TNRC18: variants seen among roughly 807,000 people sequenced by gnomAD.
TNRC18 encodes trinucleotide repeat-containing gene 18 protein.
Under a neutral mutation model 226.7 loss-of-function variants are expected in TNRC18, and 69 were observed. The ratio of observed to expected loss-of-function variants is 0.30; its 90% CI spans 0.25 to 0.37. The LOEUF (loss-of-function observed/expected upper bound fraction) is 0.37, where lower values mean the gene tolerates loss of function less well. TNRC18 is among the 10% of genes least tolerant of loss of function. TNRC18 has a pLI of 1.00. For missense variants in TNRC18, 4,754 were observed against 4,256.6 expected, an observed-to-expected ratio of 1.12 and a Z score of -3.25; for synonymous variants, 2,449 against 1,927.6, an observed-to-expected ratio of 1.27 and a Z score of -7.09.
chr7:5,389,056 C>CG lies in TNRC18; in HGVS notation c.767dup (p.Arg257AlafsTer4). 7.8e-7 allele frequency: 1 copy of CG among 1,282,260 alleles called. No homozygotes were observed. The highest frequency in any genetic ancestry group is 1.6e-5 in the African/African-American group (1 of 62,284). The allele number at this position is 1,282,260 out of a possible 1,614,324, so 79.4% of individuals were successfully genotyped here. ...AGGGCGACAGGCGCTCAGCCAGGCG[C>CG]GGGGGCCCCCGGTCCTGGCGGCCCT... On this transcript the variant is annotated frameshift_variant, in exon 5 of 30. Transcript: ENST00000430969. LOFTEE classifies it high-confidence loss of function.
rs1420043765 is a variant in TNRC18 at position 5,389,207 on chromosome 7, G to A, written c.617C>T (p.Ala206Val). 8.2e-6 allele frequency: 11 copies of A among 1,346,150 alleles called. No individual in the cohort carries two copies. The highest frequency in any genetic ancestry group is 1.0e-5 in the Non-Finnish European group (11 of 1,051,692). 83.4% of individuals were successfully genotyped at this position (1,346,150 alleles called of 1,614,324 possible). ...CCCGCCGCGGCCCGCCCGCTCCTTG[G>A]CTGGACCGTCCCGCGACGACGAGCC... ...AKGSSSRDGP[A>V]KERAGRGGEP... Residue 206 changes from alanine to valine, a missense_variant, in exon 5 of 30, where the codon GCC becomes GTC. By Grantham distance (64) the Ala-to-Val change is moderately conservative. Coordinates refer to ENST00000430969, the MANE Select transcript of TNRC18 (RefSeq NM_001080495.3).
chr7:5,362,864 C>A (rs780686240), intron 11 of TNRC18, 39 bp from the exon 12 acceptor site: 15 of 1,459,480 alleles, frequency 1.0e-5, no homozygotes, highest in Non-Finnish European at 1.3e-5. Flanking sequence ...CTGCTGCCAC[C>A]CCTTCCCCAA....
intron 15 of TNRC18, among the ~76,000 whole-genome samples, chr7:5,358,779 A>T (rs1792722155): frequency 6.6e-6 from 1 of 152,158 alleles, no homozygotes; most frequent in Admixed American, 6.6e-5. Flanking sequence ...GTGCCACGGC[A>T]CTCCAGCCTG....
At chr7:5,382,051 G>A (rs1779432892) in intron 5 of TNRC18, among the ~76,000 whole-genome samples, 1 of 152,032 alleles carries the variant, frequency 6.6e-6, no homozygotes, top group African/African-American at 2.4e-5. Flanking sequence ...TGCCCAGCAG[G>A]GCCCCAGGCC....
At chr7:5,410,310 C>CAAA (rs1157425008) in intron 2 of TNRC18, among the ~76,000 whole-genome samples, 10 of 66,178 alleles carry the variant, frequency 1.5e-4, no homozygotes, top group Admixed American at 3.3e-4. Context: ...GACTCTGTCT[C>CAAA]AAAAAAAAAA....
At position 5,420,689 on chromosome 7, in the gene TNRC18, G is replaced by A. The variant is rs953123115; in HGVS notation, c.187+371C>T. 6.9e-5 allele frequency: 35 copies of A among 509,570 alleles called. 1 individual carries two copies. The highest frequency in any genetic ancestry group is 3.8e-5 in the Non-Finnish European group (10 of 262,446). The allele number at this position is 509,570 out of a possible 1,614,324, so 31.6% of individuals were successfully genotyped here. ...GCCAAGAAAAAGATTCGAGCTCGGG[G>A]AGCGGGTGTCTCGCGGGGTGCGGGG... On this transcript the variant is annotated intron_variant, in intron 2 of 29. Transcript: ENST00000430969.
intron 2 of TNRC18, among the ~76,000 whole-genome samples, chr7:5,402,886 G>C (rs978117302): frequency 2.0e-5 from 3 of 151,934 alleles, no homozygotes; most frequent in African/African-American, 7.3e-5. Context: ...TGTGGAATGG[G>C]GGGGCAAGGT....
At chr7:5,310,571 A>G (rs1031240175) in intron 27 of TNRC18, among the ~76,000 whole-genome samples, 22 of 151,478 alleles carry the variant, frequency 1.5e-4, no homozygotes, top group African/African-American at 4.4e-4. Flanking sequence ...GTCTCACACT[A>G]TTGCCCAGGT....
chr7:5,336,614 C>T (rs763874780), intron 18 of TNRC18, among the ~76,000 whole-genome samples: 3 of 152,076 alleles, frequency 2.0e-5, no homozygotes, highest in Non-Finnish European at 4.4e-5. Flanking sequence ...TGGTGGCATG[C>T]ACCTGTGGTC....
chr7:5,342,440 A>AT, intron 18 of TNRC18, among the ~76,000 whole-genome samples: 1 of 152,066 alleles, frequency 6.6e-6, no homozygotes, highest in Non-Finnish European at 1.5e-5. Flanking sequence ...AAAAAAAAAA[A>AT]AAAGAAAAAA....
chr7:5,360,742 G>C (rs1273546458), intron 14 of TNRC18, among the ~76,000 whole-genome samples: 1 of 152,148 alleles, frequency 6.6e-6, no homozygotes, highest in Non-Finnish European at 1.5e-5. Context: ...TGGTGAGGGA[G>C]ATTTCTACCT....
chr7:5,314,998 G>T lies in TNRC18; in HGVS notation c.7013C>A (p.Ala2338Asp), dbSNP rs1192154992. Reference sequence around the variant, plus strand: ...GGCCAACCTACCACCCTTGGCCTTGGCGCTGGGTTTCCGCCCACGCCCACG... The same window carrying T: ...GGCCAACCTACCACCCTTGGCCTTGTCGCTGGGTTTCCGCCCACGCCCACG... Reference protein sequence around the residue: ...KARGRGRKPSAKAKGDRAATL... With the variant: ...KARGRGRKPSDKAKGDRAATL... The change falls in exon 26 of 30, where the codon GCC becomes GAC. Residue 2338 changes from alanine to aspartate, a missense_variant. Transcript: ENST00000430969. 1.9e-6 allele frequency: 3 copies of T among 1,606,832 alleles called. No individual in the cohort carries two copies. In the South Asian group the frequency reaches 3.4e-5, roughly 18 times the overall value.
At chr7:5,345,406 C>G (rs1429048349) in intron 18 of TNRC18, among the ~76,000 whole-genome samples, 156 bp downstream of exon 18, 1 of 152,222 alleles carries the variant, frequency 6.6e-6, no homozygotes, top group African/African-American at 2.4e-5. Flanking sequence ...CGCGAGCATC[C>G]CTGATCAGCA....
chr7:5,398,340 T>C (rs1780844561), intron 2 of TNRC18, among the ~76,000 whole-genome samples: 1 of 152,012 alleles, frequency 6.6e-6, no homozygotes, highest in Non-Finnish European at 1.5e-5. Flanking sequence ...CTGGCTAATT[T>C]TGTATTTTTA....
intron 15 of TNRC18, among the ~76,000 whole-genome samples, chr7:5,358,099 C>T (rs557701265): frequency 1.2e-4 from 18 of 152,278 alleles, no homozygotes; most frequent in Middle Eastern, 3.4e-3. Context: ...CTATCTCAGC[C>T]ACCTACAGCA....
At chr7:5,316,335 A>G (rs1325921598) in intron 24 of TNRC18, among the ~76,000 whole-genome samples, 6 of 132,596 alleles carry the variant, frequency 4.5e-5, no homozygotes, top group Admixed American at 9.3e-5. Flanking sequence ...GCTGGAGTGC[A>G]ATGGCATGAT....
chr7:5,307,955 C>A lies in TNRC18; in HGVS notation c.*151G>T. 1 of 682,460 alleles carries A rather than the reference C, an allele frequency of 1.5e-6. No homozygotes were observed. The highest frequency in any genetic ancestry group is 1.8e-5 in the South Asian group (1 of 54,742). 42.3% of individuals were successfully genotyped at this position (682,460 alleles called of 1,614,324 possible). A position where few individuals can be genotyped will look rare whatever the true frequency, so the allele number is the denominator to read the frequency against. ...ACACACGTGCATGCACACACACTCA[C>A]CCGGGCATCCACGTGCACACCTGGC... is the stretch of plus-strand genomic sequence containing the variant. On this transcript the variant is annotated 3_prime_UTR_variant, in exon 30 of 30. Coordinates refer to ENST00000430969, the MANE Select transcript of TNRC18 (RefSeq NM_001080495.3).
chr7:5,394,693 C>T lies in TNRC18; in HGVS notation c.188-98G>A. The T allele has an allele frequency of 2.2e-6, 2 of 908,160 alleles. No homozygotes were observed. The highest frequency in any genetic ancestry group is 1.7e-6 in the Non-Finnish European group (1 of 599,158). The allele number at this position is 908,160 out of a possible 1,614,324, so 56.3% of individuals were successfully genotyped here. On this transcript the variant is annotated intron_variant, in intron 2 of 29. Coordinates refer to ENST00000430969, the MANE Select transcript of TNRC18 (RefSeq NM_001080495.3). This position sits in a 1 kb window ranked among gnomAD's most constrained non-coding sequence, Gnocchi z 4.5. ...ACCCACCGCCCCGAGACCGCCGCCT[C>T]TCCCCAGCTGTGTGGAGCTGATGCT...
At position 5,325,116 on chromosome 7, in the gene TNRC18, C is replaced by A; in HGVS notation, c.6280G>T (p.Gly2094Trp). 6.4e-7 allele frequency: 1 copy of A among 1,550,486 alleles called. No individual in the cohort carries two copies. The highest frequency in any genetic ancestry group is 8.7e-7 in the Non-Finnish European group (1 of 1,147,224). The change falls in exon 20 of 30, where the codon GGG becomes TGG. Residue 2094 changes from glycine to tryptophan, a missense_variant. Coordinates refer to ENST00000430969, the MANE Select transcript of TNRC18 (RefSeq NM_001080495.3). ...AAKRSKAKAK[G>W]KEVKKENRGK... ...CTCACCTCCTTCTTCACCTCCTTCC[C>A]TTTGGCCTTGGCTTTGCTCCTTTTG...
Sources: gnomAD v4.1 joint callset for allele counts (sites outside exome capture counted in the v4.1 genomes callset) on GRCh38, gnomAD v4.1.1 for gene constraint, Gnocchi (gnomAD v3.1) non-coding constraint, MANE v1.5 for transcripts, NCBI Gene and HGNC (gene_info 2026-07-23, HGNC 2026-07-21) for gene names.